Variants in UGT1A10 observed in about 807,000 individuals in gnomAD.
UGT1A10 encodes UDP glucuronosyltransferase family 1 member A10.
UGT1A10 carries 49 observed loss-of-function variants against 45.8 expected under a neutral mutation model. The observed-to-expected ratio is 1.07, with a 90% CI of 0.85 to 1.36. UGT1A10 has a LOEUF of 1.36. Ranked by LOEUF, UGT1A10 falls within the 40% of genes most tolerant of loss-of-function variation. The pLI is 0.00. For synonymous variants in UGT1A10, 284 were observed against 249.7 expected (o/e 1.14, Z -1.29); for missense variants, 745 against 668.6 (o/e 1.11, Z -1.26).
intron 1 of UGT1A10, among the ~76,000 whole-genome samples, chr2:233,692,665 T>C (rs2075108390): frequency 6.6e-6 from 1 of 152,170 alleles, no homozygotes; most frequent in African/African-American, 2.4e-5. Context: ...AAGTTCGGGA[T>C]AGAGAATTGG....
At position 233,747,777 on chromosome 2, in the gene UGT1A10, A is replaced by G. The variant is rs1038765158; in HGVS notation, c.856-19257A>G. On this transcript the variant is annotated intron_variant, in intron 1 of 4. Transcript: ENST00000344644. ...AGACTTTAAGGGCACACAGTGTCCA[A>G]ATCCTTCCTCCTATATTCCTAAGTT... 11 of 1,613,426 alleles carry G rather than the reference A, an allele frequency of 6.8e-6. No individual in the cohort carries two copies. In the Admixed American group the frequency reaches 1.0e-4, roughly 15 times the overall value.
In UGT1A10 at chr2:233,705,292, T is replaced by C. The variant is rs116122647; in HGVS notation, c.856-61742T>C. On this transcript the variant is annotated intron_variant, in intron 1 of 4. Coordinates refer to ENST00000344644, the MANE Select transcript of UGT1A10 (RefSeq NM_019075.4). Reference sequence around the variant, plus strand: ...TGCTTTCAACCTGAAGAACTTCCTTTAGTATTTCTTGTAAGTTGAGTTTTT... The same window carrying C: ...TGCTTTCAACCTGAAGAACTTCCTTCAGTATTTCTTGTAAGTTGAGTTTTT... Among the ~76,000 whole-genome samples the C allele has an allele frequency of 8.8e-3, 1,348 of 152,332 alleles. 24 individuals are homozygous for C. Among genetic ancestry groups the C allele is most frequent in the African/African-American group, 0.031 (1,278 of 41,568 alleles).
chr2:233,734,726 T>C (rs1273359481), intron 1 of UGT1A10, among the ~76,000 whole-genome samples: 1 of 150,790 alleles, frequency 6.6e-6, no homozygotes, highest in African/African-American at 2.4e-5. Flanking sequence ...TTTGTTCTCG[T>C]CGGTTTCAAA....
intron 1 of UGT1A10, among the ~76,000 whole-genome samples, chr2:233,702,447 T>C (rs1325410425): frequency 1.3e-5 from 2 of 152,174 alleles, no homozygotes; most frequent in African/African-American, 4.8e-5. Flanking sequence ...AAGGATAACA[T>C]TTATTTCTTT....
In UGT1A10 at chr2:233,719,743, A is replaced by T. The variant is rs568452098; in HGVS notation, c.856-47291A>T. 25 of 1,613,098 alleles carry T rather than the reference A, an allele frequency of 1.5e-5. No homozygotes were observed. In the East Asian group the frequency reaches 5.3e-4, roughly 35 times the overall value. ...TTCCAGGCAAAACACTTTTTAAAAA[A>T]TGTATTTACTTACAAGTGCTTCCAT... On this transcript the variant is annotated intron_variant, in intron 1 of 4. Coordinates refer to ENST00000344644, the MANE Select transcript of UGT1A10 (RefSeq NM_019075.4).
At chr2:233,724,346 C>A (rs1441595042) in intron 1 of UGT1A10, among the ~76,000 whole-genome samples, 1 of 148,192 alleles carries the variant, frequency 6.7e-6, no homozygotes, top group East Asian at 2.1e-4. Flanking sequence ...GCTGACCCCC[C>A]CCACCTCCCT....
intron 1 of UGT1A10, among the ~76,000 whole-genome samples, chr2:233,734,160 T>C (rs535251850): frequency 1.3e-5 from 2 of 152,268 alleles, no homozygotes; most frequent in Non-Finnish European, 2.9e-5. Context: ...GTCCTGGACT[T>C]TTTTTGGTTG....
chr2:233,724,330 C>CA (rs2077223829), intron 1 of UGT1A10, among the ~76,000 whole-genome samples: 2 of 121,986 alleles, frequency 1.6e-5, no homozygotes, highest in Admixed American at 8.1e-5. Flanking sequence ...GCTGGCCAGG[C>CA]GGGGGGCTGA....
chr2:233,650,931 T>C (rs965677950), intron 1 of UGT1A10, among the ~76,000 whole-genome samples: 1 of 152,240 alleles, frequency 6.6e-6, no homozygotes, highest in African/African-American at 2.4e-5. Flanking sequence ...ATTTTGGCTA[T>C]GTTCTGGCTT....
intron 1 of UGT1A10, chr2:233,752,529 C>A (rs570345449): frequency 1.3e-5 from 2 of 152,130 alleles, no homozygotes; most frequent in Non-Finnish European, 2.9e-5. Context: ...TCTAAAAATT[C>A]TTTAAATAAA....
At chr2:233,768,582 CTTTT>C (rs139595073) in intron 4 of UGT1A10, 143 bp downstream of exon 4, 9,680 of 1,016,394 alleles carry the variant, frequency 9.5e-3, no homozygotes, top group East Asian at 0.022. Flanking sequence ...TTTATTTCTT[CTTTT>C]TTTTTTTTTT....
chr2:233,749,312 T>A (rs900685168), intron 1 of UGT1A10, among the ~76,000 whole-genome samples: 1 of 151,978 alleles, frequency 6.6e-6, no homozygotes, highest in African/African-American at 2.4e-5. Context: ...TATGTGTTTA[T>A]TAGATTTGTA....
intron 1 of UGT1A10, chr2:233,648,031 C>A: frequency 6.3e-7 from 1 of 1,596,426 alleles, no homozygotes; most frequent in Non-Finnish European, 8.5e-7. Context: ...GAGTTGGCAA[C>A]TGGGAAGATC....
intron 1 of UGT1A10, chr2:233,691,651 C>T (rs1365739862): frequency 5.1e-5 from 50 of 985,020 alleles, no homozygotes; most frequent in Middle Eastern, 5.2e-4. Flanking sequence ...GCCAGTGTGA[C>T]CCTCCCTTTC....
At chr2:233,687,584 A>G (rs1393957016) in intron 1 of UGT1A10, among the ~76,000 whole-genome samples, 1 of 40,630 alleles carries the variant, frequency 2.5e-5, no homozygotes, top group Non-Finnish European at 4.9e-5. Flanking sequence ...CATTCTTTGT[A>G]AAAAAAAAAA....
chr2:233,719,031 G>A, intron 1 of UGT1A10: 3 of 1,614,284 alleles, frequency 1.9e-6, no homozygotes, highest in East Asian at 2.2e-5. Flanking sequence ...GCACATCAAA[G>A]AAGAGAAATT....
At chr2:233,755,084 G>C in intron 1 of UGT1A10, 2 of 1,335,302 alleles carry the variant, frequency 1.5e-6, no homozygotes, top group Non-Finnish European at 2.0e-6. Flanking sequence ...CATAGATATC[G>C]CGTTTCTACG....
chr2:233,708,854 A>C (rs1025150055), intron 1 of UGT1A10, among the ~76,000 whole-genome samples: 1 of 147,850 alleles, frequency 6.8e-6, no homozygotes, highest in Non-Finnish European at 1.5e-5. Context: ...TTTCTTTTTT[A>C]ATCTCTTTTA....
chr2:233,687,260 C>T (rs916820403), intron 1 of UGT1A10, among the ~76,000 whole-genome samples: 2 of 152,106 alleles, frequency 1.3e-5, no homozygotes, highest in Non-Finnish European at 2.9e-5. Context: ...TGATCTTAAC[C>T]ATGCATTCAG....
Sources: gnomAD v4.1 joint callset for allele counts (sites outside exome capture counted in the v4.1 genomes callset) on GRCh38, gnomAD v4.1.1 for gene constraint, MANE v1.5 for transcripts, NCBI Gene and HGNC (gene_info 2026-07-23, HGNC 2026-07-21) for gene names.